DMD: variants seen among roughly 807,000 people sequenced by gnomAD.
DMD encodes the protein mutant dystrophin.
DMD carries 63 observed loss-of-function variants against 330.1 expected under a neutral mutation model. The observed-to-expected ratio is 0.19, with a 90% CI of 0.16 to 0.24. The LOEUF is 0.24. Among genes scored for constraint, DMD ranks in the 10% least tolerant of loss-of-function variants. DMD has a pLI of 1.00. For synonymous variants in DMD, 1,223 were observed against 959.8 expected, an observed-to-expected ratio of 1.27 and a Z score of -5.07; for missense variants, 3,344 against 2,684.1, an observed-to-expected ratio of 1.25 and a Z score of -5.43.
At chrX:32,124,517 G>A (rs1476935271) in intron 44 of DMD, among the ~76,000 whole-genome samples, 3 of 112,017 alleles carry the variant, frequency 2.7e-5, no homozygotes, top group Admixed American at 9.5e-5. Flanking sequence ...CCAAAGGGGA[G>A]CTCTTTTTTG....
chrX:32,787,226 G>GTC (rs2075436083), intron 7 of DMD, among the ~76,000 whole-genome samples: 1 of 99,107 alleles, frequency 1.0e-5, no homozygotes, highest in Admixed American at 1.1e-4. Flanking sequence ...GTGTGTGTGT[G>GTC]TGTGTGTGTG....
At chrX:31,658,194 T>A (rs1459612276) in intron 53 of DMD, 50 bp from the exon 54 acceptor site, 11 of 1,168,449 alleles carry the variant, frequency 9.4e-6, no homozygotes, top group Non-Finnish European at 1.3e-5. Flanking sequence ...TTTTATGAAA[T>A]CTCTAGTTGG....
intron 67 of DMD, among the ~76,000 whole-genome samples, chrX:31,199,433 C>A (rs990633675): frequency 8.9e-6 from 1 of 112,301 alleles, no homozygotes; most frequent in Non-Finnish European, 1.9e-5. Flanking sequence ...AGTGACTATT[C>A]CTTTTTCATA....
Position 31,260,804 on chromosome X carries a change from C to T in DMD, c.9286+151G>A, listed in dbSNP as rs113762299. 2.5e-3 allele frequency: 1,202 copies of T among 478,913 alleles called. 12 individuals are homozygous for T. In the African/African-American group the frequency reaches 0.026, roughly 10 times the overall value. 39.5% of individuals were successfully genotyped at this position (478,913 alleles called of 1,213,427 possible). ...GAACCTCTGATAAAAAGAAAGCTGA[C>T]TGTCAATTTTGGATAGGAAGGTGCC... On this transcript the variant is annotated intron_variant, in intron 63 of 78. Coordinates refer to ENST00000357033, the MANE Select transcript of DMD (RefSeq NM_004006.3).
chrX:32,213,438 A>C (rs534316479), intron 44 of DMD, among the ~76,000 whole-genome samples: 2 of 112,346 alleles, frequency 1.8e-5, no homozygotes, highest in South Asian at 7.3e-4. Context: ...AAGATAACCT[A>C]AGGTACATTA....
intron 6 of DMD, among the ~76,000 whole-genome samples, chrX:32,811,155 G>A (rs1281002200): frequency 1.5e-4 from 15 of 103,184 alleles, no homozygotes; most frequent in African/African-American, 5.5e-4. Context: ...ACCACATAGT[G>A]AGACCTGGTC....
intron 1 of DMD, among the ~76,000 whole-genome samples, chrX:33,093,637 T>C (rs956762125): frequency 8.9e-6 from 1 of 111,840 alleles, no homozygotes; most frequent in Admixed American, 9.6e-5. Flanking sequence ...GACAAATTAG[T>C]ACAATCTTGG....
chrX:32,442,212 A>G (rs905080614), intron 27 of DMD, among the ~76,000 whole-genome samples: 1 of 110,867 alleles, frequency 9.0e-6, no homozygotes, highest in Non-Finnish European at 1.9e-5. Flanking sequence ...AGGACCTTCT[A>G]TTCATCAAAG....
intron 62 of DMD, among the ~76,000 whole-genome samples, chrX:31,304,299 T>C (rs984313598): frequency 1.8e-5 from 2 of 111,801 alleles, no homozygotes; most frequent in African/African-American, 3.2e-5. Context: ...TTTATAGTTT[T>C]ATGCTTTCAT....
chrX:32,249,077 C>T (rs1299316478), intron 43 of DMD, among the ~76,000 whole-genome samples: 1 of 111,008 alleles, frequency 9.0e-6, no homozygotes, highest in Non-Finnish European at 1.9e-5. Context: ...TTTATTCCAG[C>T]CTAGGAGAAT....
chrX:31,442,823 A>G (rs1296935755), intron 60 of DMD, among the ~76,000 whole-genome samples: 1 of 111,643 alleles, frequency 9.0e-6, no homozygotes, highest in Non-Finnish European at 1.9e-5. Flanking sequence ...ACTATGGAGC[A>G]AACAGAGAAA....
chrX:32,894,345 G>A (rs998828589), intron 2 of DMD, among the ~76,000 whole-genome samples: 99 of 111,819 alleles, frequency 8.9e-4, no homozygotes, highest in African/African-American at 3.1e-3. Flanking sequence ...ACAGGGGAGG[G>A]AATTCAGTAG....
At chrX:32,398,647 G>C (rs954929626) in intron 30 of DMD, among the ~76,000 whole-genome samples, 2 of 111,070 alleles carry the variant, frequency 1.8e-5, no homozygotes, top group Admixed American at 9.6e-5. Context: ...ACGATGTTAC[G>C]CTTAGTCATA....
At chrX:33,039,690 T>C (rs1341017744) in intron 1 of DMD, among the ~76,000 whole-genome samples, 1 of 111,194 alleles carries the variant, frequency 9.0e-6, no homozygotes, top group Admixed American at 9.7e-5. Flanking sequence ...ATAAGTATTA[T>C]TCATTGTTTC....
At chrX:31,936,531 A>G (rs2094926932) in intron 45 of DMD, among the ~76,000 whole-genome samples, 1 of 111,863 alleles carries the variant, frequency 8.9e-6, no homozygotes, top group African/African-American at 3.2e-5. Flanking sequence ...ATTATCGGCA[A>G]TGTCTGTTGC....
intron 19 of DMD, among the ~76,000 whole-genome samples, chrX:32,492,581 C>T (rs1325513787): frequency 1.8e-5 from 2 of 111,311 alleles, no homozygotes; most frequent in East Asian, 2.8e-4. Context: ...TCATATATGA[C>T]GAACGCCAGT....
At chrX:32,348,023 A>G (rs2097769658) in intron 38 of DMD, among the ~76,000 whole-genome samples, 1 of 112,069 alleles carries the variant, frequency 8.9e-6, no homozygotes, top group South Asian at 3.6e-4. Context: ...TCATTGAAAT[A>G]AATGTTATAC....
intron 44 of DMD, among the ~76,000 whole-genome samples, chrX:32,030,170 A>G (rs904513415): frequency 4.5e-5 from 5 of 112,328 alleles, no homozygotes; most frequent in Non-Finnish European, 9.4e-5. Context: ...AACACCTGAC[A>G]TTAGCTATGA....
At chrX:31,870,195 T>C (rs367918538) in intron 48 of DMD, among the ~76,000 whole-genome samples, 1 of 112,110 alleles carries the variant, frequency 8.9e-6, no homozygotes, top group African/African-American at 3.2e-5. Flanking sequence ...GATTTCTTCC[T>C]GACTTTAGAC....
Sources: allele counts gnomAD v4.1 joint callset (sites outside exome capture counted in the v4.1 genomes callset), GRCh38; gene constraint gnomAD v4.1.1; transcripts MANE v1.5; gene names NCBI Gene and HGNC (gene_info 2026-07-23, HGNC 2026-07-21).